The following LRRIQ1 variants were observed in gnomAD, a reference collection of about 807,000 sequenced individuals.
LRRIQ1 encodes leucine-rich repeat- and IQ domain-containing protein 1.
A neutral mutation model predicts 211.9 loss-of-function variants in LRRIQ1; 210 were observed. The observed-to-expected ratio is 0.99, with a 90% CI of 0.89 to 1.11. The LOEUF (loss-of-function observed/expected upper bound fraction) is 1.11. Ranked by LOEUF, LRRIQ1 falls within the 50% of genes most tolerant of loss-of-function variation. The pLI is 0.00. For missense variants in LRRIQ1, 2,136 were observed against 1,939.5 expected (o/e 1.10, Z -1.90); for synonymous variants, 699 against 650.1 (o/e 1.08, Z -1.14).
rs140901570 is a variant in LRRIQ1 at position 85,065,356 on chromosome 12, G to T, written c.2486G>T (p.Gly829Val). 801 of 1,610,838 alleles carry T rather than the reference G, an allele frequency of 5.0e-4. No homozygotes were observed. Among genetic ancestry groups the T allele is most frequent in the Non-Finnish European group, 6.4e-4 (750 of 1,177,860 alleles). The change falls in exon 9 of 27, where the codon GGA becomes GTA. Residue 829 changes from glycine (G) to valine (V), a missense_variant. By Grantham distance (109) the Gly-to-Val change is moderately radical. Transcript: ENST00000393217. The stretch of plus-strand genomic sequence containing the variant: ...CAGTTTCTATCCCTTCGACGCTGTG[G>T]ATTAACTTCTTTGCACAGCCTGAGT... ...NLQFLSLRRC[G>V]LTSLHSLSNC...
At chr12:85,099,535 A>G (rs1886179656) in intron 13 of LRRIQ1, among the ~76,000 whole-genome samples, 1 of 151,878 alleles carries the variant, frequency 6.6e-6, no homozygotes, top group Admixed American at 6.6e-5. Flanking sequence ...ATTTGAAACC[A>G]CCAAACATCT....
chr12:85,133,775 C>A (rs1027576166), intron 18 of LRRIQ1, among the ~76,000 whole-genome samples: 2 of 152,086 alleles, frequency 1.3e-5, no homozygotes, highest in Admixed American at 6.6e-5. Context: ...TTCCTAGAAG[C>A]CTGAGCTTCT....
At chr12:85,195,420 C>A (rs2136974352) in intron 24 of LRRIQ1, among the ~76,000 whole-genome samples, 2 of 151,594 alleles carry the variant, frequency 1.3e-5, no homozygotes, top group Middle Eastern at 3.4e-3. Flanking sequence ...ATGCAAAAAT[C>A]CTCAATAAAA....
chr12:85,056,256 CA>C lies in LRRIQ1; in HGVS notation c.1470del (p.Lys490AsnfsTer28). 1 of 1,569,876 alleles carries C rather than the reference CA, an allele frequency of 6.4e-7. No individual in the cohort carries two copies. The highest frequency in any genetic ancestry group is 8.6e-7 in the Non-Finnish European group (1 of 1,167,738). ...ATGGAAGAAAAAAATGAAAACCTAG[CA>C]AAAAAACGATGTTCAGAAGAATTGG... ...FKMEEKNENL[A>X]KKRCSEELVK... is the part of the protein sequence containing the mutation. On this transcript the variant is annotated frameshift_variant, in exon 8 of 27. Coordinates refer to ENST00000393217, the MANE Select transcript of LRRIQ1 (RefSeq NM_001079910.2). LOFTEE classifies it high-confidence loss of function.
Position 85,130,916 on chromosome 12 carries a change from A to G in LRRIQ1, c.4209+2883A>G, listed in dbSNP as rs188116628. On this transcript the variant is annotated intron_variant, in intron 18 of 26. Transcript: ENST00000393217. ...AGCTCTCAGAGTTCTCGTCATTAGAATGTGAATGATAGGCCGGGCGCAGTG... is the reference window on the plus strand; with the variant it reads ...AGCTCTCAGAGTTCTCGTCATTAGAGTGTGAATGATAGGCCGGGCGCAGTG... Among the ~76,000 whole-genome samples, 94 of 152,128 alleles carry G rather than the reference A, an allele frequency of 6.2e-4. 1 individual carries two copies. Among genetic ancestry groups the G allele is most frequent in the Admixed American group, 4.3e-3 (66 of 15,278 alleles).
intron 13 of LRRIQ1, among the ~76,000 whole-genome samples, chr12:85,100,126 C>T (rs1029136182): frequency 3.3e-5 from 5 of 151,450 alleles, no homozygotes; most frequent in South Asian, 2.1e-4. Flanking sequence ...CAGTAAGTCA[C>T]GGAGGAATTG....
chr12:85,066,031 TG>T (rs777817202), intron 9 of LRRIQ1, among the ~76,000 whole-genome samples: 1 of 151,858 alleles, frequency 6.6e-6, no homozygotes, highest in Non-Finnish European at 1.5e-5. Flanking sequence ...TGTTGGCTAA[TG>T]TTTTATTGGC....
At chr12:85,127,752 G>T in intron 17 of LRRIQ1, 80 bp from the exon 18 acceptor site, 2 of 1,170,760 alleles carry the variant, frequency 1.7e-6, no homozygotes, top group South Asian at 2.8e-5. Context: ...TTAAAATCTT[G>T]TTTAGGAGGA....
At chr12:85,098,280 A>C (rs1240957072) in intron 11 of LRRIQ1, 75 bp from the exon 12 acceptor site, 1 of 972,192 alleles carries the variant, frequency 1.0e-6, no homozygotes, top group East Asian at 2.7e-5. Context: ...AATTATTTAG[A>C]AAAAAAATGG....
chr12:85,258,730 T>TC (rs1472126447), intron 1 of LRRIQ1, among the ~76,000 whole-genome samples: 2 of 151,968 alleles, frequency 1.3e-5, no homozygotes, highest in African/African-American at 4.8e-5. Flanking sequence ...TAATTTTTTT[T>TC]CTCCATGCTT....
At chr12:85,081,472 T>C (rs1884279708) in intron 11 of LRRIQ1, among the ~76,000 whole-genome samples, 1 of 151,914 alleles carries the variant, frequency 6.6e-6, no homozygotes, top group African/African-American at 2.4e-5. Context: ...ATTTCTTGTT[T>C]TATTCATGAA....
intron 24 of LRRIQ1, among the ~76,000 whole-genome samples, chr12:85,221,548 G>C (rs1894402607): frequency 6.6e-6 from 1 of 152,072 alleles, no homozygotes; most frequent in Non-Finnish European, 1.5e-5. Context: ...ATTTAAATAA[G>C]GAATGCAGCG....
At chr12:85,082,957 T>C (rs1884449728) in intron 11 of LRRIQ1, among the ~76,000 whole-genome samples, 1 of 152,204 alleles carries the variant, frequency 6.6e-6, no homozygotes, top group Admixed American at 6.5e-5. Context: ...AGTGGCGGTT[T>C]TCTGATCACT....
At chr12:85,183,872 A>G (rs564956856) in intron 24 of LRRIQ1, among the ~76,000 whole-genome samples, 1 of 152,204 alleles carries the variant, frequency 6.6e-6, no homozygotes, top group Non-Finnish European at 1.5e-5. Context: ...ATACTCTTAT[A>G]AAATCTGTTT....
intron 26 of LRRIQ1, 164 bp downstream of exon 26, chr12:85,232,920 A>C: frequency 1.9e-6 from 1 of 536,252 alleles, no homozygotes; most frequent in Non-Finnish European, 3.2e-6. Flanking sequence ...TGTTTTCTTG[A>C]CTTGTAATAC....
chr12:85,107,071 C>T (rs963099359), intron 15 of LRRIQ1, among the ~76,000 whole-genome samples: 1 of 151,924 alleles, frequency 6.6e-6, no homozygotes, highest in African/African-American at 2.4e-5. Flanking sequence ...AATTCTTGCT[C>T]CTCTTTGGAA....
intron 24 of LRRIQ1, among the ~76,000 whole-genome samples, chr12:85,164,744 G>C (rs1891068037): frequency 6.6e-6 from 1 of 152,050 alleles, no homozygotes; most frequent in Non-Finnish European, 1.5e-5. Flanking sequence ...TTTCTACATA[G>C]AAAACAAGTG....
At chr12:85,245,218 C>T (rs1312739372), downstream of LRRIQ1, 1 of 306,342 alleles carries the variant, frequency 3.3e-6, no homozygotes. Flanking sequence ...ATTTTTTAGA[C>T]TAATTGTAAG....
intron 11 of LRRIQ1, among the ~76,000 whole-genome samples, chr12:85,090,004 C>T (rs933954720): frequency 3.3e-5 from 5 of 152,228 alleles, no homozygotes; most frequent in African/African-American, 1.2e-4. Flanking sequence ...CCAAGGGCCC[C>T]ACTGCCCTGT....
Sources: gnomAD v4.1 joint callset for allele counts (sites outside exome capture counted in the v4.1 genomes callset) on GRCh38, gnomAD v4.1.1 for gene constraint, MANE v1.5 for transcripts, NCBI Gene and HGNC (gene_info 2026-07-23, HGNC 2026-07-21) for gene names.